RANBP10: variants seen among roughly 807,000 people sequenced by gnomAD.
The protein encoded by RANBP10 is ran-binding protein 10.
In RANBP10, 24 loss-of-function variants were observed where a neutral mutation model predicts 72.8. The ratio of observed to expected loss-of-function variants is 0.33; its 90% CI spans 0.24 to 0.46. The LOEUF (loss-of-function observed/expected upper bound fraction) is 0.46. Among genes scored for constraint, RANBP10 ranks in the 20% least tolerant of loss-of-function variants. RANBP10 has a pLI of 1.00. For synonymous variants in RANBP10, 310 were observed against 322.3 expected, an observed-to-expected ratio of 0.96 and a Z score of 0.41; for missense variants, 679 against 817.5, an observed-to-expected ratio of 0.83 and a Z score of 2.07.
At chr16:67,745,495 C>A (rs2054054078) in intron 3 of RANBP10, among the ~76,000 whole-genome samples, 1 of 151,784 alleles carries the variant, frequency 6.6e-6, no homozygotes, top group African/African-American at 2.4e-5. Context: ...CCACCATGCC[C>A]AGCTAATTTT....
chr16:67,775,388 C>G (rs1471560149), intron 2 of RANBP10, among the ~76,000 whole-genome samples: 1 of 152,144 alleles, frequency 6.6e-6, no homozygotes, highest in Non-Finnish European at 1.5e-5. Context: ...ATCTAAGATG[C>G]CTGCTTTCAC....
At chr16:67,781,967 G>A (rs142629359) in intron 2 of RANBP10, among the ~76,000 whole-genome samples, 6 of 152,102 alleles carry the variant, frequency 3.9e-5, no homozygotes, top group Non-Finnish European at 7.4e-5. Flanking sequence ...GCTGCCACCC[G>A]AGCAAGGGGG....
chr16:67,775,226 G>T (rs921031314), intron 2 of RANBP10, among the ~76,000 whole-genome samples: 1 of 152,068 alleles, frequency 6.6e-6, no homozygotes, highest in Non-Finnish European at 1.5e-5. Context: ...CAGGAGAATC[G>T]CTTGAACCCT....
intron 2 of RANBP10, among the ~76,000 whole-genome samples, chr16:67,777,565 C>T (rs980671894): frequency 4.6e-5 from 7 of 151,934 alleles, no homozygotes; most frequent in African/African-American, 1.7e-4. Context: ...AGTAAAAAAA[C>T]TTAACCAAGG....
At chr16:67,757,422 C>T (rs2143009176) in intron 3 of RANBP10, among the ~76,000 whole-genome samples, 1 of 152,230 alleles carries the variant, frequency 6.6e-6, no homozygotes, top group Non-Finnish European at 1.5e-5. Context: ...ACAGCCATGC[C>T]CAGTGGCTCT....
intron 3 of RANBP10, among the ~76,000 whole-genome samples, chr16:67,747,535 ACT>A (rs775656749): frequency 3.9e-5 from 6 of 151,900 alleles, no homozygotes; most frequent in Non-Finnish European, 7.4e-5. Flanking sequence ...AGGGTCTCAC[ACT>A]CTCTCGTCCA....
At chr16:67,728,728 C>T (rs746721713) in intron 10 of RANBP10, 1 of 805,876 alleles carries the variant, frequency 1.2e-6, no homozygotes, top group Non-Finnish European at 1.9e-6. Context: ...CACCCTTGCC[C>T]CAGTGCTGCC....
intron 2 of RANBP10, among the ~76,000 whole-genome samples, chr16:67,772,793 T>C (rs118016432): frequency 0.03 from 4,595 of 152,226 alleles, 158 homozygotes; most frequent in Non-Finnish European, 0.04. Context: ...CCCTGTGTCA[T>C]TGACACCTGG....
At position 67,725,829 on chromosome 16, in the gene RANBP10, A is replaced by G. The variant is rs1406693963; in HGVS notation, c.*599T>C. 6.6e-6 allele frequency: 1 copy of G among 152,586 alleles called. No homozygotes were observed. The highest frequency in any genetic ancestry group is 1.5e-5 in the Non-Finnish European group (1 of 68,042). The allele number at this position is 152,586 out of a possible 1,614,324, so 9.5% of individuals were successfully genotyped here. A position where few individuals can be genotyped will look rare whatever the true frequency, so the allele number is the denominator to read the frequency against. On this transcript the variant is annotated 3_prime_UTR_variant, in exon 14 of 14. Coordinates refer to ENST00000317506, the MANE Select transcript of RANBP10 (RefSeq NM_020850.3). ...TCAAAAAAGGGGGAGCAAAAAATAA[A>G]TCACTTGGCTGAGGTGACAGAGATT...
intron 4 of RANBP10, chr16:67,744,063 C>T: frequency 1.0e-6 from 1 of 975,464 alleles, no homozygotes; most frequent in African/African-American, 1.7e-5. Context: ...TACTGCTGTA[C>T]TCTCAGCATC....
intron 4 of RANBP10, 30 bp from the exon 5 acceptor site, chr16:67,738,065 C>G: frequency 6.4e-7 from 1 of 1,574,740 alleles, no homozygotes; most frequent in South Asian, 1.2e-5. Context: ...GTCATCAGGG[C>G]CAGCCCCTGG....
intron 2 of RANBP10, among the ~76,000 whole-genome samples, chr16:67,774,329 CAAG>C (rs2054658459): frequency 6.6e-6 from 1 of 152,226 alleles, no homozygotes; most frequent in South Asian, 2.1e-4. Context: ...AAAGGTCACT[CAAG>C]AAGAGTTATG....
intron 3 of RANBP10, among the ~76,000 whole-genome samples, chr16:67,747,538 C>G (rs2054107670): frequency 6.6e-6 from 1 of 152,116 alleles, no homozygotes. Context: ...GTCTCACACT[C>G]TCTCGTCCAG....
Position 67,726,625 on chromosome 16 carries a change from TGGGGGTGGAAGGA to T in RANBP10, c.1733-80_1733-68del. The stretch of plus-strand genomic sequence containing the variant: ...GCTTGGGCCCAGGTCAAAGTTCCCT[TGGGGGTGGAAGGA>T]GGGGGCAGTGGACAGATTCTCTTGG... On this transcript the variant is annotated intron_variant, in intron 13 of 13. Transcript: ENST00000317506. 3.3e-6 allele frequency: 5 copies of T among 1,492,962 alleles called. No homozygotes were observed. The South Asian group carries it at 5.3e-5, about 16-fold the overall frequency. 92.5% of individuals were successfully genotyped at this position (1,492,962 alleles called of 1,614,324 possible).
intron 2 of RANBP10, among the ~76,000 whole-genome samples, chr16:67,775,184 C>T (rs1332072029): frequency 3.9e-5 from 6 of 152,120 alleles, no homozygotes; most frequent in African/African-American, 1.4e-4. Flanking sequence ...TGGTGGCACA[C>T]GCCTGTAATC....
intron 2 of RANBP10, among the ~76,000 whole-genome samples, chr16:67,794,254 A>G (rs2055084602): frequency 6.6e-6 from 1 of 152,048 alleles, no homozygotes; most frequent in African/African-American, 2.4e-5. Context: ...CCTGGCCAAC[A>G]TGGCGAAACC....
Position 67,723,639 on chromosome 16 carries a change from G to A in RANBP10, c.*2789C>T, listed in dbSNP as rs1231092970. ...TGAGTGCCAGTTTTTGCTCTGGAAGGAGTGACCATTTGGTGCCGCAAGGGG... is the reference window on the plus strand; with the variant it reads ...TGAGTGCCAGTTTTTGCTCTGGAAGAAGTGACCATTTGGTGCCGCAAGGGG... On this transcript the variant is annotated 3_prime_UTR_variant, in exon 14 of 14. Transcript: ENST00000317506. 2 of 152,676 alleles carry A rather than the reference G, an allele frequency of 1.3e-5. No individual in the cohort carries two copies. Among genetic ancestry groups the A allele is most frequent in the Non-Finnish European group, 2.9e-5 (2 of 68,152 alleles). 9.5% of individuals were successfully genotyped at this position (152,676 alleles called of 1,614,324 possible).
chr16:67,747,650 C>G (rs1039376707), intron 3 of RANBP10, among the ~76,000 whole-genome samples: 1 of 151,852 alleles, frequency 6.6e-6, no homozygotes, highest in Non-Finnish European at 1.5e-5. Flanking sequence ...ATTACAGGCA[C>G]GCGCCACTAC....
At chr16:67,798,532 G>C (rs1013907845) in intron 2 of RANBP10, among the ~76,000 whole-genome samples, 1 of 152,178 alleles carries the variant, frequency 6.6e-6, no homozygotes, top group Non-Finnish European at 1.5e-5. Flanking sequence ...CACCAGAGGA[G>C]ATGCTTGGGT....
Sources: gnomAD v4.1 joint callset for allele counts (sites outside exome capture counted in the v4.1 genomes callset) on GRCh38, gnomAD v4.1.1 for gene constraint, MANE v1.5 for transcripts, NCBI Gene and HGNC (gene_info 2026-07-23, HGNC 2026-07-21) for gene names.